Variants in SNTG1 observed in about 807,000 individuals in gnomAD.
SNTG1 encodes the protein syntrophin gamma 1.
Under a neutral mutation model 74.7 loss-of-function variants are expected in SNTG1, and 39 were observed. That is an observed-to-expected ratio of 0.52 (90% confidence interval 0.40 to 0.68). The LOEUF is 0.68. Among genes scored for constraint, SNTG1 ranks in the 30% least tolerant of loss-of-function variants. SNTG1 has a pLI of 0.00. For missense variants in SNTG1, 685 were observed against 609.5 expected, an observed-to-expected ratio of 1.12 and a Z score of -1.30; for synonymous variants, 254 against 217.1, an observed-to-expected ratio of 1.17 and a Z score of -1.49.
chr8:50,766,295 C>T (rs1333516828), intron 18 of SNTG1, among the ~76,000 whole-genome samples: 1 of 151,974 alleles, frequency 6.6e-6, no homozygotes, highest in Non-Finnish European at 1.5e-5. Context: ...TAATAGGTAA[C>T]TGTGAGTGAT....
intron 3 of SNTG1, among the ~76,000 whole-genome samples, chr8:50,395,734 A>C (rs945590630): frequency 2.0e-5 from 3 of 151,988 alleles, no homozygotes; most frequent in African/African-American, 7.2e-5. Context: ...GAAGATCTCG[A>C]TCTCCTGACC....
intron 1 of SNTG1, among the ~76,000 whole-genome samples, chr8:50,072,118 C>A (rs554750733): frequency 6.6e-6 from 1 of 152,232 alleles, no homozygotes; most frequent in African/African-American, 2.4e-5. Flanking sequence ...AGTATTATGG[C>A]TAAGACCTTG....
intron 2 of SNTG1, among the ~76,000 whole-genome samples, chr8:50,299,537 T>C (rs920732357): frequency 2.6e-5 from 4 of 152,098 alleles, no homozygotes; most frequent in Admixed American, 6.6e-5. Context: ...CAAATTGAAA[T>C]ATTTGAGTCA....
intron 1 of SNTG1, among the ~76,000 whole-genome samples, chr8:49,926,622 C>G (rs1020975141): frequency 5.9e-5 from 9 of 151,992 alleles, no homozygotes; most frequent in African/African-American, 2.2e-4. Flanking sequence ...ATGTAAAATT[C>G]AAAACCACTA....
chr8:50,636,408 C>T (rs968956077), intron 13 of SNTG1, among the ~76,000 whole-genome samples: 1 of 151,944 alleles, frequency 6.6e-6, no homozygotes, highest in Non-Finnish European at 1.5e-5. Flanking sequence ...ATTTAAGACC[C>T]CAGAGCACTT....
At chr8:50,266,672 G>A (rs187305904) in intron 2 of SNTG1, among the ~76,000 whole-genome samples, 64,993 of 128,682 alleles carry the variant, frequency 0.51, 17,658 homozygotes, top group East Asian at 0.76. Flanking sequence ...GTGTGTGTGT[G>A]TGTGTGTGTG....
intron 12 of SNTG1, among the ~76,000 whole-genome samples, chr8:50,587,170 T>A (rs1337349437): frequency 6.6e-6 from 1 of 150,470 alleles, no homozygotes; most frequent in Non-Finnish European, 1.5e-5. Flanking sequence ...AATTTATATA[T>A]GTTTAATATA....
intron 5 of SNTG1, 45 bp from the exon 6 acceptor site, chr8:50,449,623 T>TC (rs774061310): frequency 7.2e-7 from 1 of 1,387,072 alleles, no homozygotes; most frequent in South Asian, 1.6e-5. Flanking sequence ...AAAAGCAGCA[T>TC]TTTTTTTAGA....
At chr8:50,117,375 C>G (rs187513294) in intron 1 of SNTG1, among the ~76,000 whole-genome samples, 3 of 152,072 alleles carry the variant, frequency 2.0e-5, no homozygotes, top group Non-Finnish European at 4.4e-5. Flanking sequence ...GCGTGTGATT[C>G]TTCACATTCT....
At chr8:50,212,490 G>C (rs1179284517) in intron 2 of SNTG1, among the ~76,000 whole-genome samples, 1 of 152,122 alleles carries the variant, frequency 6.6e-6, no homozygotes, top group Admixed American at 6.6e-5. Flanking sequence ...GAGCACATAA[G>C]TAATGTGTGA....
chr8:50,720,618 T>C (rs4146358), intron 17 of SNTG1, among the ~76,000 whole-genome samples: 15,565 of 152,026 alleles, frequency 0.1, 2,231 homozygotes, highest in African/African-American at 0.32. Flanking sequence ...CAAATAGAAA[T>C]AGGATTTGGT....
chr8:50,573,403 G>T (rs1220526541), intron 12 of SNTG1, among the ~76,000 whole-genome samples: 2 of 151,716 alleles, frequency 1.3e-5, no homozygotes, highest in Non-Finnish European at 2.9e-5. Flanking sequence ...TGTAAAACTG[G>T]CTCTATTTAA....
chr8:50,442,941 C>G (rs1167382561), intron 5 of SNTG1, among the ~76,000 whole-genome samples: 1 of 152,152 alleles, frequency 6.6e-6, no homozygotes, highest in Non-Finnish European at 1.5e-5. Flanking sequence ...TTTCTACTGG[C>G]ATTTCCTGGT....
intron 4 of SNTG1, among the ~76,000 whole-genome samples, chr8:50,431,671 C>T (rs966748858): frequency 6.6e-6 from 1 of 152,142 alleles, no homozygotes; most frequent in African/African-American, 2.4e-5. Flanking sequence ...TAACCATGAA[C>T]AGTATTCTTG....
rs2090612042 is a variant in SNTG1, at chr8:50,323,491, A to T, written c.-27-70721A>T. Among the ~76,000 whole-genome samples, 2 of 152,272 alleles carry T rather than the reference A, an allele frequency of 1.3e-5. 1 individual carries two copies. Among genetic ancestry groups the T allele is most frequent in the South Asian group, 4.1e-4 (2 of 4,822 alleles). ...CTTGTTTGTGCCTGTCCTTCTTGGGAAGACTTACTTGTACCCTAAGCCAAA... is the reference window on the plus strand; with the variant it reads ...CTTGTTTGTGCCTGTCCTTCTTGGGTAGACTTACTTGTACCCTAAGCCAAA... On this transcript the variant is annotated intron_variant, in intron 2 of 18. Coordinates refer to ENST00000642720, the MANE Select transcript of SNTG1 (RefSeq NM_018967.5).
chr8:50,734,793 A>G lies in SNTG1; in HGVS notation c.1285-17208A>G, dbSNP rs533375916. On this transcript the variant is annotated intron_variant, in intron 17 of 18. Coordinates refer to ENST00000642720, the MANE Select transcript of SNTG1 (RefSeq NM_018967.5). Reference sequence around the variant, plus strand: ...GACATATATATAGATATCTATATATATGGACATATATATAGATATCTATAT... The same window carrying G: ...GACATATATATAGATATCTATATATGTGGACATATATATAGATATCTATAT... Among the ~76,000 whole-genome samples the G allele has an allele frequency of 3.1e-3, 323 of 105,410 alleles. 10 individuals are homozygous for G. Among genetic ancestry groups the G allele is most frequent in the Non-Finnish European group, 4.4e-3 (246 of 55,322 alleles). 69.2% of individuals were successfully genotyped at this position (105,410 alleles called of 152,430 possible). A position where few individuals can be genotyped will look rare whatever the true frequency, so the allele number is the denominator to read the frequency against.
At position 50,554,838 on chromosome 8, in the gene SNTG1, C is replaced by A. The variant is rs1403376747; in HGVS notation, c.810+1659C>A. On this transcript the variant is annotated intron_variant, in intron 12 of 18. Coordinates refer to ENST00000642720, the MANE Select transcript of SNTG1 (RefSeq NM_018967.5). ...AGAAATGATTAGAGTTTCTTAAAAA[C>A]AAGATATGAACTTATATTTGTGAGA... is the stretch of plus-strand genomic sequence containing the variant. Among the ~76,000 whole-genome samples the A allele has an allele frequency of 2.0e-5, 3 of 151,990 alleles. No homozygotes were observed. In the East Asian group the frequency reaches 5.8e-4, roughly 29 times the overall value.
At chr8:50,145,117 G>A (rs1389329813) in intron 1 of SNTG1, among the ~76,000 whole-genome samples, 1 of 152,176 alleles carries the variant, frequency 6.6e-6, no homozygotes, top group Admixed American at 6.5e-5. Flanking sequence ...CAACCATAGG[G>A]AGGATGCCAG....
intron 1 of SNTG1, among the ~76,000 whole-genome samples, chr8:50,136,935 G>A (rs904811389): frequency 6.6e-6 from 1 of 151,916 alleles, no homozygotes; most frequent in Admixed American, 6.6e-5. Flanking sequence ...ACTCTCTGTT[G>A]AAAAACAGTA....
Sources: allele counts gnomAD v4.1 joint callset (sites outside exome capture counted in the v4.1 genomes callset), GRCh38; gene constraint gnomAD v4.1.1; transcripts MANE v1.5; gene names NCBI Gene and HGNC (gene_info 2026-07-23, HGNC 2026-07-21).